The following PDGFD variants were observed in gnomAD, a reference collection of about 807,000 sequenced individuals.
The protein encoded by PDGFD is platelet derived growth factor D.
Under a neutral mutation model 44.7 loss-of-function variants are expected in PDGFD, and 30 were observed. That is an observed-to-expected ratio of 0.67 (90% CI 0.50 to 0.91). The LOEUF is 0.91. Ranked by LOEUF, PDGFD falls within the 40% of genes least tolerant of loss-of-function variation. The probability of loss-of-function intolerance (pLI) is 0.00; values close to 1 mark genes in which losing one functional copy is unlikely to be tolerated. For synonymous variants in PDGFD, 173 were observed against 168.4 expected (o/e 1.03, Z -0.21); for missense variants, 445 against 457.8 (o/e 0.97, Z 0.25).
At chr11:104,055,729 T>C (rs891678422) in intron 1 of PDGFD, among the ~76,000 whole-genome samples, 3 of 152,286 alleles carry the variant, frequency 2.0e-5, no homozygotes, top group Admixed American at 6.5e-5. Flanking sequence ...TTCCCCAGTT[T>C]GAGTGCTTTG....
chr11:103,996,765 C>T (rs1361574826), intron 2 of PDGFD, among the ~76,000 whole-genome samples: 1 of 152,124 alleles, frequency 6.6e-6, no homozygotes, highest in Non-Finnish European at 1.5e-5. Flanking sequence ...GCTATATTCT[C>T]TTTTTGGAAA....
At chr11:104,082,096 G>A (rs1257081095) in intron 1 of PDGFD, among the ~76,000 whole-genome samples, 3 of 116,722 alleles carry the variant, frequency 2.6e-5, no homozygotes, top group African/African-American at 1.1e-4. Context: ...CAGGCAATAT[G>A]AAGTTTACTA....
rs1331706920 is a variant in PDGFD, at chr11:104,082,828, A to G, written c.124+80976T>C. Among the ~76,000 whole-genome samples the G allele has an allele frequency of 2.6e-5, 4 of 152,210 alleles. No homozygotes were observed. The East Asian group carries it at 5.8e-4, about 22-fold the overall frequency. On this transcript the variant is annotated intron_variant, in intron 1 of 6. Transcript: ENST00000393158. ...TTAAATTTTTGTAGAGACAGGGTCC[A>G]GGCTAGTCTCCAACTCCTGTCTTAA...
intron 1 of PDGFD, among the ~76,000 whole-genome samples, chr11:104,006,650 G>A (rs1018371838): frequency 2.0e-5 from 3 of 152,116 alleles, no homozygotes; most frequent in Admixed American, 6.6e-5. Context: ...AGGAGGAGAC[G>A]AACAGAAGTG....
At chr11:103,951,990 C>T (rs1179691291) in intron 3 of PDGFD, among the ~76,000 whole-genome samples, 1 of 152,186 alleles carries the variant, frequency 6.6e-6, no homozygotes, top group Non-Finnish European at 1.5e-5. Flanking sequence ...TCCAATTTCT[C>T]TGGCTCCCAG....
chr11:103,999,572 G>C (rs732452), intron 2 of PDGFD, among the ~76,000 whole-genome samples: 19,630 of 152,070 alleles, frequency 0.13, 1,394 homozygotes, highest in Middle Eastern at 0.17. Context: ...CTATGAATTC[G>C]GGGTCAGGCC....
intron 6 of PDGFD, among the ~76,000 whole-genome samples, chr11:103,920,122 T>C (rs532234383): frequency 6.6e-6 from 1 of 152,148 alleles, no homozygotes; most frequent in Non-Finnish European, 1.5e-5. Context: ...TAAAAAGACA[T>C]AAATGACAAA....
chr11:104,119,897 T>TATTAC (rs1861745542), intron 1 of PDGFD, among the ~76,000 whole-genome samples: 1 of 131,844 alleles, frequency 7.6e-6, no homozygotes, highest in Non-Finnish European at 1.6e-5. Context: ...TACATAATTA[T>TATTAC]ATAATATATA....
intron 1 of PDGFD, among the ~76,000 whole-genome samples, chr11:104,134,629 C>T (rs74486470): frequency 0.017 from 2,610 of 152,168 alleles, 75 homozygotes; most frequent in African/African-American, 0.059. Flanking sequence ...AGGTCATGTG[C>T]TAAGCTCTGA....
intron 1 of PDGFD, among the ~76,000 whole-genome samples, chr11:104,118,754 T>TATATATTATATATTAATATATAATATATA (rs1565340075): frequency 1.2e-4 from 14 of 118,312 alleles, no homozygotes; most frequent in African/African-American, 4.2e-4. Context: ...TATTATATAG[T>TATATATTATATATTAATATATAATATATA]ATATATTATA....
chr11:104,131,997 C>CA (rs1229956100), intron 1 of PDGFD, among the ~76,000 whole-genome samples: 6 of 145,204 alleles, frequency 4.1e-5, no homozygotes, highest in Admixed American at 6.8e-5. Context: ...CAAAACAAAA[C>CA]AAAAAAAACA....
intron 3 of PDGFD, among the ~76,000 whole-genome samples, chr11:103,985,552 G>A (rs1263810857): frequency 6.6e-6 from 1 of 151,716 alleles, no homozygotes; most frequent in Non-Finnish European, 1.5e-5. Flanking sequence ...GGAGAAGAGG[G>A]CTTGAATTCT....
intron 1 of PDGFD, among the ~76,000 whole-genome samples, chr11:104,088,971 A>C (rs890840207): frequency 1.3e-5 from 2 of 152,226 alleles, no homozygotes; most frequent in Non-Finnish European, 2.9e-5. Context: ...GGAAAACAAA[A>C]GAATTATACT....
intron 1 of PDGFD, among the ~76,000 whole-genome samples, chr11:104,024,732 C>T (rs191419957): frequency 2.0e-4 from 30 of 152,264 alleles, no homozygotes; most frequent in African/African-American, 6.7e-4. Flanking sequence ...TCAAAAGTAT[C>T]CCTGTCATTA....
intron 5 of PDGFD, among the ~76,000 whole-genome samples, chr11:103,938,447 G>A (rs1453356234): frequency 6.6e-6 from 1 of 152,142 alleles, no homozygotes; most frequent in Non-Finnish European, 1.5e-5. Context: ...GTAGATTCTG[G>A]ATATTAGCCC....
chr11:103,907,673 A>G lies in PDGFD; in HGVS notation c.*2021T>C, dbSNP rs553394248. 1 of 152,306 alleles carries G rather than the reference A, an allele frequency of 6.6e-6. No homozygotes were observed. Among genetic ancestry groups the G allele is most frequent in the East Asian group, 1.9e-4 (1 of 5,188 alleles). The allele number at this position is 152,306 out of a possible 1,614,324, so 9.4% of individuals were successfully genotyped here. A position where few individuals can be genotyped will look rare whatever the true frequency, so the allele number is the denominator to read the frequency against. ...ATTGAAAACTGGGTAGAACACTCTC[A>G]TTTTTTATATTTACAGCTACATTGT... On this transcript the variant is annotated 3_prime_UTR_variant, in exon 7 of 7. Transcript: ENST00000393158.
At chr11:104,044,173 G>A (rs1860403952) in intron 1 of PDGFD, among the ~76,000 whole-genome samples, 1 of 152,140 alleles carries the variant, frequency 6.6e-6, no homozygotes, top group African/African-American at 2.4e-5. Context: ...AGAAATGCTT[G>A]GGCATTTATA....
At chr11:104,156,159 T>C (rs934534426) in intron 1 of PDGFD, among the ~76,000 whole-genome samples, 2 of 152,178 alleles carry the variant, frequency 1.3e-5, no homozygotes, top group Non-Finnish European at 2.9e-5. Flanking sequence ...ATGATATATA[T>C]ATACAATTTT....
chr11:103,946,757 G>A (rs535397256), intron 4 of PDGFD, among the ~76,000 whole-genome samples: 31 of 152,166 alleles, frequency 2.0e-4, no homozygotes, highest in African/African-American at 7.0e-4. Context: ...CACTGTCAAA[G>A]ATCTCTCCAA....
Sources: allele counts gnomAD v4.1 joint callset (sites outside exome capture counted in the v4.1 genomes callset), GRCh38; gene constraint gnomAD v4.1.1; transcripts MANE v1.5; gene names NCBI Gene and HGNC (gene_info 2026-07-23, HGNC 2026-07-21).